Variants in SCAPER observed in about 807,000 individuals in gnomAD.
SCAPER encodes S-phase cyclin A associated protein in the ER.
Under a neutral mutation model 182.2 loss-of-function variants are expected in SCAPER, and 98 were observed. The ratio of observed to expected loss-of-function variants is 0.54; its 90% CI spans 0.46 to 0.64. The LOEUF (loss-of-function observed/expected upper bound fraction) is 0.64. Ranked by LOEUF, SCAPER falls within the 30% of genes least tolerant of loss-of-function variation. SCAPER has a pLI of 0.00. For synonymous variants in SCAPER, 605 were observed against 564.6 expected (o/e 1.07, Z -1.01); for missense variants, 1,432 against 1,690.0 (o/e 0.85, Z 2.68).
chr15:76,416,651 TTC>T (rs972128681), intron 26 of SCAPER, among the ~76,000 whole-genome samples: 1 of 152,164 alleles, frequency 6.6e-6, no homozygotes, highest in Non-Finnish European at 1.5e-5. Context: ...TTAAGGTATA[TTC>T]TCTGACCCAG....
intron 24 of SCAPER, among the ~76,000 whole-genome samples, chr15:76,487,951 C>T (rs546098771): frequency 1.3e-4 from 20 of 152,144 alleles, no homozygotes; most frequent in Admixed American, 8.5e-4. Context: ...TAATCTGGTC[C>T]GAAGGATTCT....
intron 2 of SCAPER, among the ~76,000 whole-genome samples, chr15:76,875,624 C>A (rs2073087728): frequency 6.6e-6 from 1 of 152,216 alleles, no homozygotes; most frequent in Admixed American, 6.5e-5. Flanking sequence ...GGTTCTTGGT[C>A]TCACTGACTT....
Position 76,430,844 on chromosome 15 carries a change from G to A in SCAPER, c.3311+3234C>T, listed in dbSNP as rs565974134. On this transcript the variant is annotated intron_variant, in intron 26 of 31. Transcript: ENST00000563290. The stretch of plus-strand genomic sequence containing the variant: ...AATGTGAGGACATGAGATTTGGGAG[G>A]GGCTGGGGTGGAATAATGTGGTTTG... 2.1e-3 allele frequency among the ~76,000 whole-genome samples: 320 copies of A among 152,244 alleles called. 2 individuals are homozygous for A. The highest frequency in any genetic ancestry group is 7.3e-3 in the African/African-American group (305 of 41,550).
intron 14 of SCAPER, among the ~76,000 whole-genome samples, chr15:76,759,708 T>A (rs970484773): frequency 3.9e-5 from 6 of 152,234 alleles, no homozygotes; most frequent in African/African-American, 1.4e-4. Flanking sequence ...TTATCCTGCA[T>A]CTGTTGAAAT....
At chr15:76,788,793 A>G (rs1460341370) in intron 8 of SCAPER, among the ~76,000 whole-genome samples, 1 of 152,178 alleles carries the variant, frequency 6.6e-6, no homozygotes, top group Non-Finnish European at 1.5e-5. Flanking sequence ...AATGAACCCC[A>G]TGTTCCAATA....
chr15:76,595,986 G>A (rs11635601), intron 22 of SCAPER, among the ~76,000 whole-genome samples: 55,097 of 119,130 alleles, frequency 0.46, 21,870 homozygotes, highest in East Asian at 0.78. Flanking sequence ...ATACAGACAC[G>A]AAAAACCCTT....
chr15:76,404,744 G>T, intron 26 of SCAPER, 65 bp from the exon 27 acceptor site: 1 of 1,522,104 alleles, frequency 6.6e-7, no homozygotes, highest in South Asian at 1.2e-5. Flanking sequence ...CACCTTCAAT[G>T]ATAAATGCTA....
intron 2 of SCAPER, among the ~76,000 whole-genome samples, chr15:76,869,501 A>T (rs537250295): frequency 6.6e-6 from 1 of 152,322 alleles, no homozygotes; most frequent in South Asian, 2.1e-4. Context: ...CAACAGATAT[A>T]TGAAAAAAGA....
chr15:76,849,482 A>G (rs1330798842), intron 4 of SCAPER, among the ~76,000 whole-genome samples: 1 of 152,174 alleles, frequency 6.6e-6, no homozygotes, highest in East Asian at 1.9e-4. Context: ...CCATCCTGTG[A>G]TGGCACTGCT....
chr15:76,420,093 A>G (rs1345838815), intron 26 of SCAPER, among the ~76,000 whole-genome samples: 2 of 152,176 alleles, frequency 1.3e-5, no homozygotes, highest in South Asian at 2.1e-4. Flanking sequence ...ACATTCCTTC[A>G]TTGAAAAAAC....
intron 27 of SCAPER, among the ~76,000 whole-genome samples, chr15:76,387,433 T>A (rs1273723708): frequency 1.3e-5 from 2 of 152,330 alleles, no homozygotes; most frequent in South Asian, 2.1e-4. Context: ...AGCTATTCAA[T>A]ACATATGTGT....
At chr15:76,860,016 T>A (rs955609905) in intron 3 of SCAPER, among the ~76,000 whole-genome samples, 11 of 152,294 alleles carry the variant, frequency 7.2e-5, no homozygotes, top group Admixed American at 3.3e-4. Flanking sequence ...GCGCCCAGCC[T>A]GTGCTTACAG....
chr15:76,377,360 T>G (rs1189438466), intron 28 of SCAPER, among the ~76,000 whole-genome samples: 1 of 150,870 alleles, frequency 6.6e-6, no homozygotes, highest in East Asian at 1.9e-4. Context: ...TTTGCTCCTT[T>G]AAATCAAGCA....
At chr15:76,818,602 G>A (rs1004949125) in intron 5 of SCAPER, among the ~76,000 whole-genome samples, 1 of 150,882 alleles carries the variant, frequency 6.6e-6, no homozygotes, top group Non-Finnish European at 1.5e-5. Context: ...CAACAATAAG[G>A]GGGGTGGAGC....
rs528864704 is a variant in SCAPER at position 76,702,041 on chromosome 15, T to TA, written c.2401-177dup. Among the ~76,000 whole-genome samples the TA allele has an allele frequency of 2.6e-3, 398 of 150,868 alleles. 2 individuals carry two copies. The highest frequency in any genetic ancestry group is 4.5e-3 in the Admixed American group (68 of 15,128). ...GAGAATCCTCTAGAAGGCAAATGGTTAAAAAAAAAGACTTGGGAGGCTGAG... is the reference window on the plus strand; with the variant it reads ...GAGAATCCTCTAGAAGGCAAATGGTTAAAAAAAAAAGACTTGGGAGGCTGAG... On this transcript the variant is annotated intron_variant, in intron 19 of 31. Transcript: ENST00000563290.
At chr15:76,847,996 T>G (rs958660094) in intron 4 of SCAPER, among the ~76,000 whole-genome samples, 1 of 152,132 alleles carries the variant, frequency 6.6e-6, no homozygotes, top group African/African-American at 2.4e-5. Context: ...CTATCTGAAG[T>G]ACAAAAATAA....
chr15:76,835,695 A>G lies in SCAPER; in HGVS notation c.393+6039T>C, dbSNP rs557752941. Among the ~76,000 whole-genome samples the G allele has an allele frequency of 1.1e-4, 16 of 152,224 alleles. No individual in the cohort carries two copies. The South Asian group carries it at 3.1e-3, about 30-fold the overall frequency. On this transcript the variant is annotated intron_variant, in intron 5 of 31. Transcript: ENST00000563290. ...TGCAGTAGTGGAAATCCTAGCCAGA[A>G]CAATCAGGTGAGAGAATAAAATAAA...
intron 31 of SCAPER, chr15:76,349,150 G>A (rs2040368365): frequency 6.5e-6 from 1 of 153,106 alleles, no homozygotes; most frequent in Admixed American, 6.5e-5. Context: ...TCGCACCTGT[G>A]AGTAGCCATT....
At chr15:76,701,475 TG>T (rs1401405776) in intron 20 of SCAPER, among the ~76,000 whole-genome samples, 2 of 152,204 alleles carry the variant, frequency 1.3e-5, no homozygotes, top group Admixed American at 1.3e-4. Context: ...TGTCATTGAG[TG>T]ATTATTTTCC....
Sources: gnomAD v4.1 joint callset for allele counts (sites outside exome capture counted in the v4.1 genomes callset) on GRCh38, gnomAD v4.1.1 for gene constraint, MANE v1.5 for transcripts, NCBI Gene and HGNC (gene_info 2026-07-23, HGNC 2026-07-21) for gene names.